TEKT1: variants seen among roughly 807,000 people sequenced by gnomAD.
TEKT1 encodes tektin-1.
In TEKT1, 32 loss-of-function variants were observed where a neutral mutation model predicts 34.8. That is an observed-to-expected ratio of 0.92 (90% CI 0.69 to 1.23). The LOEUF (loss-of-function observed/expected upper bound fraction) is 1.23, where lower values mean the gene tolerates loss of function less well. TEKT1 is among the 50% of genes most tolerant of loss of function. The probability of loss-of-function intolerance (pLI) is 0.00; values close to 1 mark genes in which losing one functional copy is unlikely to be tolerated. For synonymous variants in TEKT1, 207 were observed against 199.8 expected (o/e 1.04, Z -0.30); for missense variants, 492 against 518.5 (o/e 0.95, Z 0.50).
chr17:6,817,991 C>T (rs1977028980), intron 3 of TEKT1, among the ~76,000 whole-genome samples: 1 of 152,142 alleles, frequency 6.6e-6, no homozygotes, highest in African/African-American at 2.4e-5. Flanking sequence ...GGGGAGACTG[C>T]TGCCTGGTTC....
chr17:6,800,237 A>G lies in TEKT1; in HGVS notation c.1050-3T>C, dbSNP rs747415220. The G allele has an allele frequency of 2.5e-6, 4 of 1,612,132 alleles. No homozygotes were observed. The highest frequency in any genetic ancestry group is 1.7e-5 in the Admixed American group (1 of 59,504). On this transcript the variant is annotated splice_region_variant and splice_polypyrimidine_tract_variant and intron_variant, in intron 7 of 7. Coordinates refer to ENST00000338694, the MANE Select transcript of TEKT1 (RefSeq NM_053285.2). Reference sequence around the variant, plus strand: ...CTTGGGCTAAAGTTTCCTTCAATCTAGGAGAAAGGGAAGAAGAGAAGAGAA... The same window carrying G: ...CTTGGGCTAAAGTTTCCTTCAATCTGGGAGAAAGGGAAGAAGAGAAGAGAA...
chr17:6,827,295 C>T (rs1483622175), intron 2 of TEKT1, among the ~76,000 whole-genome samples: 2 of 135,736 alleles, frequency 1.5e-5, no homozygotes, highest in African/African-American at 5.7e-5. Flanking sequence ...GAGTCTCGCT[C>T]TTGTCGCCCG....
At chr17:6,819,146 C>G (rs760159613) in intron 3 of TEKT1, 47 bp downstream of exon 3, 5 of 1,583,792 alleles carry the variant, frequency 3.2e-6, no homozygotes, top group Admixed American at 3.6e-5. Context: ...TACCCAGCAT[C>G]TCATTTGTCA....
intron 2 of TEKT1, among the ~76,000 whole-genome samples, chr17:6,825,000 G>C (rs1052597242): frequency 6.6e-6 from 1 of 152,058 alleles, no homozygotes; most frequent in Non-Finnish European, 1.5e-5. Flanking sequence ...TTTCTAATGA[G>C]GTCATCAAGA....
At position 6,811,224 on chromosome 17, in the gene TEKT1, TATC is replaced by T. The variant is rs376522151; in HGVS notation, c.852+1604_852+1606del. On this transcript the variant is annotated intron_variant, in intron 6 of 7. Coordinates refer to ENST00000338694, the MANE Select transcript of TEKT1 (RefSeq NM_053285.2). This position sits in a 1 kb window ranked among gnomAD's most constrained non-coding sequence, Gnocchi z 4.4. The stretch of plus-strand genomic sequence containing the variant: ...GGAAGTCTCTGGATTATTCCTTGGC[TATC>T]ATCATCATCATCATCATCATCAATC... 1.3e-4 allele frequency among the ~76,000 whole-genome samples: 20 copies of T among 151,978 alleles called. No individual in the cohort carries two copies. The highest frequency in any genetic ancestry group is 7.7e-4 in the East Asian group (4 of 5,170).
chr17:6,814,847 A>AT, intron 5 of TEKT1: 1 of 211,338 alleles, frequency 4.7e-6, no homozygotes. Context: ...CAAAAAAAAA[A>AT]GGGGGGGGGA....
intron 6 of TEKT1, 46 bp downstream of exon 6, chr17:6,812,785 A>C: frequency 1.3e-6 from 2 of 1,578,144 alleles, no homozygotes; most frequent in South Asian, 2.3e-5. Flanking sequence ...CCATGGTGAA[A>C]GCTCCTGAAT....
At chr17:6,820,423 T>TA (rs1977071412) in intron 2 of TEKT1, among the ~76,000 whole-genome samples, 1 of 152,038 alleles carries the variant, frequency 6.6e-6, no homozygotes, top group South Asian at 2.1e-4. Context: ...ATTTGAATCT[T>TA]AAAGTCATAA....
rs1976736415 is a variant in TEKT1, at chr17:6,799,485, TG to T, written c.*541del. 6.6e-6 allele frequency: 1 copy of T among 152,362 alleles called. No homozygotes were observed. 9.4% of individuals were successfully genotyped at this position (152,362 alleles called of 1,614,324 possible). On this transcript the variant is annotated 3_prime_UTR_variant, in exon 8 of 8. Coordinates refer to ENST00000338694, the MANE Select transcript of TEKT1 (RefSeq NM_053285.2). ...TTCAACGCCCCTATAGCCCTGTGAG[TG>T]GGGACTATTGGAGGTCCTATACTCA... is the stretch of plus-strand genomic sequence containing the variant.
intron 2 of TEKT1, among the ~76,000 whole-genome samples, chr17:6,826,606 A>C (rs1190801018): frequency 6.9e-6 from 1 of 145,450 alleles, no homozygotes; most frequent in Admixed American, 7.1e-5. Flanking sequence ...TATGCACTCC[A>C]CTTAGATTTG....
chr17:6,803,414 G>A, intron 6 of TEKT1, among the ~76,000 whole-genome samples: 1 of 152,100 alleles, frequency 6.6e-6, no homozygotes. Flanking sequence ...CAGGTTGCCT[G>A]TTTACTCTGA....
chr17:6,809,054 A>G (rs1214022696), intron 6 of TEKT1, among the ~76,000 whole-genome samples: 2 of 152,204 alleles, frequency 1.3e-5, no homozygotes, highest in Non-Finnish European at 2.9e-5. Context: ...AGAAAGTAGA[A>G]TTCCCATATG....
At chr17:6,808,553 G>A (rs372516993) in intron 6 of TEKT1, among the ~76,000 whole-genome samples, 10 of 152,278 alleles carry the variant, frequency 6.6e-5, no homozygotes, top group Middle Eastern at 3.4e-3. Context: ...CATCTTCTGC[G>A]TCGCTCACGC....
rs1411305697 is a variant in TEKT1, at chr17:6,800,831, T to G, written c.965A>C (p.His322Pro). The G allele has an allele frequency of 6.2e-7, 1 of 1,614,184 alleles. No homozygotes were observed. Among genetic ancestry groups the G allele is most frequent in the Admixed American group, 1.7e-5 (1 of 60,018 alleles). The change falls in exon 7 of 8, where the codon CAC becomes CCC. Residue 322 changes from histidine (H) to proline (P), a missense_variant. Coordinates refer to ENST00000338694, the MANE Select transcript of TEKT1 (RefSeq NM_053285.2). ...ACGACACAGCTCCACGTTCGGCCGGTGTGTCCTGGTCTCCAAGCGCGTATG... is the reference window on the plus strand; with the variant it reads ...ACGACACAGCTCCACGTTCGGCCGGGGTGTCCTGGTCTCCAAGCGCGTATG... ...VAHTRLETRTHRPNVELCRDV... is the reference protein window; with the variant it reads ...VAHTRLETRTPRPNVELCRDV...
intron 6 of TEKT1, among the ~76,000 whole-genome samples, chr17:6,804,639 A>G (rs532659320): frequency 6.6e-6 from 1 of 152,332 alleles, no homozygotes; most frequent in South Asian, 2.1e-4. Context: ...TGTCCCATCA[A>G]TACCTAATTT....
intron 5 of TEKT1, among the ~76,000 whole-genome samples, chr17:6,814,327 T>A (rs551722693): frequency 6.6e-6 from 1 of 152,338 alleles, no homozygotes; most frequent in African/African-American, 2.4e-5. Flanking sequence ...CTTTTCTATA[T>A]GTATGTTTTA....
chr17:6,815,867 G>T lies in TEKT1; in HGVS notation c.452C>A (p.Thr151Asn), dbSNP rs368946438. The stretch of plus-strand genomic sequence containing the variant: ...CTCGGAAGCCTCCTCCAAGGTACGG[G>T]TCAGCAGAGCCATAATGCCCTGGAT... ...EIIQGIMALL[T>N]RTLEEASEQI... Residue 151 changes from threonine to asparagine, a missense_variant, in exon 4 of 8, where the codon ACC becomes AAC. Transcript: ENST00000338694. The T allele has an allele frequency of 6.2e-7, 1 of 1,614,206 alleles. No individual in the cohort carries two copies. Among genetic ancestry groups the T allele is most frequent in the South Asian group, 1.1e-5 (1 of 91,078 alleles).
In TEKT1 at chr17:6,827,061, AC is replaced by A. The variant is rs1326486519; in HGVS notation, c.190+3125del. 3.9e-5 allele frequency among the ~76,000 whole-genome samples: 6 copies of A among 152,218 alleles called. No individual in the cohort carries two copies. In the East Asian group the frequency reaches 1.2e-3, roughly 29 times the overall value. ...TTGAAAAGGCTTTCTTTTGCCCATTACACTGTAGTGTTGCTTTGTCATACTC... is the reference window on the plus strand; with the variant it reads ...TTGAAAAGGCTTTCTTTTGCCCATTAACTGTAGTGTTGCTTTGTCATACTC... On this transcript the variant is annotated intron_variant, in intron 2 of 7. Coordinates refer to ENST00000338694, the MANE Select transcript of TEKT1 (RefSeq NM_053285.2).
At chr17:6,814,664 C>T (rs1263194766) in intron 5 of TEKT1, among the ~76,000 whole-genome samples, 3 of 152,060 alleles carry the variant, frequency 2.0e-5, no homozygotes, top group Non-Finnish European at 4.4e-5. Context: ...TGGTGAAACC[C>T]CATCTCTACT....
Sources: gnomAD v4.1 joint callset for allele counts (sites outside exome capture counted in the v4.1 genomes callset) on GRCh38, gnomAD v4.1.1 for gene constraint, Gnocchi (gnomAD v3.1) non-coding constraint, MANE v1.5 for transcripts, NCBI Gene and HGNC (gene_info 2026-07-23, HGNC 2026-07-21) for gene names.